The following ZNF677 variants were observed in gnomAD, a reference collection of about 807,000 sequenced individuals.
The protein encoded by ZNF677 is zinc finger protein 677, also known as hypothetical protein MGC48625.
Under a neutral mutation model 8.1 loss-of-function variants are expected in ZNF677, and 5 were observed. The observed-to-expected ratio is 0.62, with a 90% CI of 0.32 to 1.29. The LOEUF is 1.29. Ranked by LOEUF, ZNF677 falls within the 50% of genes most tolerant of loss-of-function variation. The pLI is 0.05. For missense variants in ZNF677, 685 were observed against 685.9 expected, an observed-to-expected ratio of 1.00 and a Z score of 0.01; for synonymous variants, 221 against 225.6, an observed-to-expected ratio of 0.98 and a Z score of 0.18.
rs1568687733 is a variant in ZNF677 at position 53,237,432 on chromosome 19, T to C, written c.1295A>G (p.Lys432Arg). ...AAAAGCCCTGCCACACACATTACATTTGTGTGGTTTCTCTCCAGGATGTAT... is the reference window on the plus strand; with the variant it reads ...AAAAGCCCTGCCACACACATTACATCTGTGTGGTTTCTCTCCAGGATGTAT... ...QNIHPGEKPH[K>R]CNVCGRAFIQ... Residue 432 changes from lysine to arginine, a missense_variant, in exon 5 of 5, where the codon AAA becomes AGA. Coordinates refer to ENST00000598513, the MANE Select transcript of ZNF677 (RefSeq NM_182609.4). The C allele has an allele frequency of 1.2e-6, 2 of 1,613,814 alleles. No homozygotes were observed. Among genetic ancestry groups the C allele is most frequent in the Non-Finnish European group, 1.7e-6 (2 of 1,179,940 alleles).
Position 53,249,723 on chromosome 19 carries a change from A to G in ZNF677, c.15+1813T>C, listed in dbSNP as rs1426766818. 2.6e-5 allele frequency among the ~76,000 whole-genome samples: 4 copies of G among 151,236 alleles called. 1 individual carries two copies. The highest frequency in any genetic ancestry group is 9.8e-5 in the African/African-American group (4 of 40,758). On this transcript the variant is annotated intron_variant, in intron 3 of 4. Coordinates refer to ENST00000598513, the MANE Select transcript of ZNF677 (RefSeq NM_182609.4). ...TGCATGACATTTTATCATAAAAAAT[A>G]TATATATCATGTGATGTTTACTACA...
intron 3 of ZNF677, among the ~76,000 whole-genome samples, chr19:53,247,481 T>C (rs942920052): frequency 6.6e-6 from 1 of 152,262 alleles, no homozygotes; most frequent in African/African-American, 2.4e-5. Flanking sequence ...CCACATGCAG[T>C]CTGTGGTCCG....
At position 53,236,282 on chromosome 19, in the gene ZNF677, C is replaced by T. The variant is rs565183030; in HGVS notation, c.*690G>A. 1.3e-5 allele frequency: 2 copies of T among 152,144 alleles called. No homozygotes were observed. The highest frequency in any genetic ancestry group is 2.9e-5 in the Non-Finnish European group (2 of 68,018). 9.4% of individuals were successfully genotyped at this position (152,144 alleles called of 1,614,324 possible). A position where few individuals can be genotyped will look rare whatever the true frequency, so the allele number is the denominator to read the frequency against. On this transcript the variant is annotated 3_prime_UTR_variant, in exon 5 of 5. Transcript: ENST00000598513. ...GAAGCCACACCTAAGGAAGTAGTCC[C>T]TTCCATCTTACATCCATTCCTTGAG...
rs10425755 is a variant in ZNF677 at position 53,238,082 on chromosome 19, A to G, written c.645T>C (p.Asn215=). The G allele has an allele frequency of 5.1e-4, 829 of 1,614,076 alleles. 6 individuals are homozygous for G. In the African/African-American group the frequency reaches 9.8e-3, roughly 19 times the overall value. ...FQTGEKMYEC[N]PVEKSINSSS... is the part of the protein sequence containing the mutation. ...AACTATTGATAGACTTCTCAACTGG[A>G]TTACATTCATACATTTTCTCCCCAG... The change falls in exon 5 of 5, where the codon AAT becomes AAC. Residue 215 remains asparagine (N), a synonymous_variant. Coordinates refer to ENST00000598513, the MANE Select transcript of ZNF677 (RefSeq NM_182609.4).
At chr19:53,243,576 G>A (rs2091088698) in intron 4 of ZNF677, 168 bp downstream of exon 4, 1 of 823,438 alleles carries the variant, frequency 1.2e-6, no homozygotes, top group Admixed American at 3.1e-5. Flanking sequence ...CAGAACTTCT[G>A]AAGAAAGGGG....
At chr19:53,247,262 G>A (rs8100275) in intron 3 of ZNF677, among the ~76,000 whole-genome samples, 47,728 of 151,866 alleles carry the variant, frequency 0.31, 8,750 homozygotes, top group African/African-American at 0.5. Context: ...TTCTTTCCGT[G>A]CTTGTTTGGT....
Position 53,238,105 on chromosome 19 carries a change from C to T in ZNF677, c.622G>A (p.Gly208Arg). 1 of 1,613,974 alleles carries T rather than the reference C, an allele frequency of 6.2e-7. No individual in the cohort carries two copies. Among genetic ancestry groups the T allele is most frequent in the Non-Finnish European group, 8.5e-7 (1 of 1,179,916 alleles). The stretch of plus-strand genomic sequence containing the variant: ...GGATTACATTCATACATTTTCTCCC[C>T]AGTTTGAAATCTCTGTAGTTCAGCC... The part of the protein sequence containing the change: ...QLAELQRFQT[G>R]EKMYECNPVE... Residue 208 changes from glycine to arginine, a missense_variant, in exon 5 of 5, where the codon GGG becomes AGG. By Grantham distance (125) the Gly-to-Arg change is moderately radical. Transcript: ENST00000598513.
At chr19:53,244,881 G>C (rs559137240) in intron 3 of ZNF677, among the ~76,000 whole-genome samples, 1 of 152,208 alleles carries the variant, frequency 6.6e-6, no homozygotes, top group South Asian at 2.1e-4. Context: ...AAAACAGTAT[G>C]GTACTGGCAT....
At chr19:53,246,752 T>C (rs2091149693) in intron 3 of ZNF677, among the ~76,000 whole-genome samples, 1 of 152,110 alleles carries the variant, frequency 6.6e-6, no homozygotes, top group African/African-American at 2.4e-5. Context: ...GAGGTAGTAA[T>C]CAGTTTCAGT....
chr19:53,254,369 C>G (rs8107040), intron 1 of ZNF677, among the ~76,000 whole-genome samples: 48,652 of 151,874 alleles, frequency 0.32, 9,261 homozygotes, highest in African/African-American at 0.52. Context: ...TGGCCCCATC[C>G]TGGTAGCATC....
rs1361426097 is a variant in ZNF677, at chr19:53,235,527, T to C, written c.*1445A>G. 6.6e-6 allele frequency: 1 copy of C among 152,212 alleles called. No individual in the cohort carries two copies. 9.4% of individuals were successfully genotyped at this position (152,212 alleles called of 1,614,324 possible). ...TACTCTGGTTCTTTTGATGGAACTG[T>C]CCTCTATGGTAACCATTCTCTCTTC... On this transcript the variant is annotated 3_prime_UTR_variant, in exon 5 of 5. Coordinates refer to ENST00000598513, the MANE Select transcript of ZNF677 (RefSeq NM_182609.4).
At chr19:53,253,059 A>G (rs778854090) in intron 2 of ZNF677, 27 bp downstream of exon 2, 4 of 152,224 alleles carry the variant, frequency 2.6e-5, no homozygotes, top group Non-Finnish European at 5.9e-5. Context: ...GATTAAGAAA[A>G]TCATAAAGAA....
chr19:53,238,545 C>A lies in ZNF677; in HGVS notation c.182G>T (p.Gly61Val). Reference sequence around the variant, plus strand: ...TGGTGATAATCCCTTGCTTGTAAATCCAACAGAAATATCTGAAAGATATTA... The same window carrying A: ...TGGTGATAATCCCTTGCTTGTAAATACAACAGAAATATCTGAAAGATATTA... ...NIPPEDDISV[G>V]FTSKGLSPKE... The change falls in exon 5 of 5, where the codon GGA becomes GTA. Residue 61 changes from glycine to valine, a missense_variant. Physicochemically the swap from Gly to Val is moderately radical, Grantham distance 109. Transcript: ENST00000598513. 1 of 1,557,588 alleles carries A rather than the reference C, an allele frequency of 6.4e-7. No individual in the cohort carries two copies. The highest frequency in any genetic ancestry group is 8.6e-7 in the Non-Finnish European group (1 of 1,158,960).
chr19:53,242,727 T>C (rs1018838772), intron 4 of ZNF677: 3 of 246,558 alleles, frequency 1.2e-5, no homozygotes, highest in African/African-American at 6.7e-5. Flanking sequence ...AGAAATTGAA[T>C]AGGTTCTGGA....
intron 4 of ZNF677, chr19:53,241,031 A>T (rs2091041666): frequency 6.6e-6 from 1 of 152,188 alleles, no homozygotes; most frequent in African/African-American, 2.4e-5. Context: ...AAGAGTTGAT[A>T]TAAAGTTACA....
chr19:53,241,101 T>C (rs890062011), intron 4 of ZNF677: 3 of 152,166 alleles, frequency 2.0e-5, no homozygotes, highest in African/African-American at 7.2e-5. Context: ...GGAGGTTATA[T>C]ATGTTTTGAG....
rs1265233568 is a variant in ZNF677, at chr19:53,251,614, C to A, written c.-55-9G>T. The A allele has an allele frequency of 9.3e-6, 15 of 1,606,510 alleles. No homozygotes were observed. Among genetic ancestry groups the A allele is most frequent in the Middle Eastern group, 1.7e-4 (1 of 6,058 alleles). ...TTCTCAGGTAAGTCAGTCTGTATGT[C>A]AAAAATATGTTGTTTAATGCTTAAA... On this transcript the variant is annotated splice_polypyrimidine_tract_variant and intron_variant, in intron 2 of 4. Transcript: ENST00000598513.
chr19:53,252,462 T>C (rs765601474), intron 2 of ZNF677, among the ~76,000 whole-genome samples: 34 of 152,364 alleles, frequency 2.2e-4, no homozygotes, highest in Middle Eastern at 6.8e-3. Flanking sequence ...AATGGTGGCC[T>C]GGATAGGGCA....
chr19:53,251,640 A>C, intron 2 of ZNF677, 35 bp from the exon 3 acceptor site: 1 of 1,507,756 alleles, frequency 6.6e-7, no homozygotes, highest in Non-Finnish European at 9.1e-7. Flanking sequence ...AATGCTTAAA[A>C]TCAACACACC....
Sources: allele counts gnomAD v4.1 joint callset (sites outside exome capture counted in the v4.1 genomes callset), GRCh38; gene constraint gnomAD v4.1.1; transcripts MANE v1.5; gene names NCBI Gene and HGNC (gene_info 2026-07-23, HGNC 2026-07-21).